The following DUSP16 variants were observed in gnomAD, a reference collection of about 807,000 sequenced individuals.
The protein encoded by DUSP16 is dual specificity phosphatase 16, also known as dual specificity protein phosphatase 16.
A neutral mutation model predicts 58.3 loss-of-function variants in DUSP16; 21 were observed. The ratio of observed to expected loss-of-function variants is 0.36; its 90% CI spans 0.26 to 0.52. The LOEUF is 0.52. DUSP16 is among the 20% of genes least tolerant of loss of function. The probability of loss-of-function intolerance (pLI) is 0.94; values close to 1 mark genes in which losing one functional copy is unlikely to be tolerated. For synonymous variants in DUSP16, 320 were observed against 323.8 expected (o/e 0.99, Z 0.12); for missense variants, 726 against 819.0 (o/e 0.89, Z 1.39).
intron 1 of DUSP16, among the ~76,000 whole-genome samples, chr12:12,551,584 T>TA (rs1944728059): frequency 6.6e-6 from 1 of 152,118 alleles, no homozygotes; most frequent in Admixed American, 6.5e-5. Context: ...TCCCAATTCT[T>TA]AAAGATTTTT....
At chr12:12,541,915 T>C (rs1341800395) in intron 1 of DUSP16, among the ~76,000 whole-genome samples, 1 of 148,216 alleles carries the variant, frequency 6.7e-6, no homozygotes, top group East Asian at 2.1e-4. Flanking sequence ...AATCAACTGA[T>C]GAATAGATAA....
chr12:12,520,955 G>A lies in DUSP16; in HGVS notation c.144C>T (p.Ile48=). The A allele has an allele frequency of 1.2e-6, 2 of 1,614,182 alleles. No individual in the cohort carries two copies. Among genetic ancestry groups the A allele is most frequent in the South Asian group, 1.1e-5 (1 of 91,084 alleles). The change falls in exon 2 of 7, where the codon ATC becomes ATT. Residue 48 remains isoleucine (I), a synonymous_variant. Coordinates refer to ENST00000298573, the MANE Select transcript of DUSP16 (RefSeq NM_030640.3). ...TTCGCTTCATAAGCTTGGAGCAGTT[G>A]ATATTAATGGCTTCCAAAATGTGGG... ...NTSHILEAIN[I]NCSKLMKRRL...
chr12:12,527,874 A>C (rs1944327905), intron 1 of DUSP16, among the ~76,000 whole-genome samples: 1 of 152,204 alleles, frequency 6.6e-6, no homozygotes, highest in South Asian at 2.1e-4. Flanking sequence ...CCCTCCAATC[A>C]GAGGTTCAGG....
chr12:12,480,716 A>AT (rs1273724611), intron 5 of DUSP16, among the ~76,000 whole-genome samples: 18 of 152,154 alleles, frequency 1.2e-4, no homozygotes, highest in African/African-American at 4.1e-4. Flanking sequence ...ATATAATTAC[A>AT]TTTTTTAAAA....
At chr12:12,507,051 GA>G (rs1018003879) in intron 3 of DUSP16, among the ~76,000 whole-genome samples, 9 of 152,096 alleles carry the variant, frequency 5.9e-5, no homozygotes, top group African/African-American at 1.4e-4. Context: ...TTTTGGGGGG[GA>G]AAAATCTGCC....
intron 1 of DUSP16, among the ~76,000 whole-genome samples, chr12:12,543,237 T>G (rs1425107616): frequency 6.6e-6 from 1 of 152,344 alleles, no homozygotes; most frequent in South Asian, 2.1e-4. Context: ...TCAGGTTTAC[T>G]GGGGTTGACA....
intron 1 of DUSP16, among the ~76,000 whole-genome samples, chr12:12,547,625 A>G (rs1225919668): frequency 6.6e-6 from 1 of 151,212 alleles, no homozygotes; most frequent in Non-Finnish European, 1.5e-5. Context: ...TATCCACCAT[A>G]GGACTTGTGT....
At chr12:12,503,208 G>A (rs983136574) in intron 3 of DUSP16, among the ~76,000 whole-genome samples, 4 of 149,454 alleles carry the variant, frequency 2.7e-5, no homozygotes, top group African/African-American at 4.9e-5. Flanking sequence ...CACTCAGGAG[G>A]TATCACTGGT....
intron 1 of DUSP16, among the ~76,000 whole-genome samples, chr12:12,549,116 C>G (rs138500342): frequency 1.3e-5 from 2 of 152,204 alleles, no homozygotes; most frequent in East Asian, 3.9e-4. Flanking sequence ...CTGCCCAAAA[C>G]CCAAAACCTA....
chr12:12,530,213 G>A (rs2136240709), intron 1 of DUSP16, among the ~76,000 whole-genome samples: 1 of 152,188 alleles, frequency 6.6e-6, no homozygotes, highest in East Asian at 1.9e-4. Flanking sequence ...ACTACCAGGA[G>A]TGGGATACTA....
At position 12,548,393 on chromosome 12, in the gene DUSP16, T is replaced by C. The variant is rs550232652; in HGVS notation, c.-366+13724A>G. On this transcript the variant is annotated intron_variant, in intron 1 of 6. Coordinates refer to ENST00000298573, the MANE Select transcript of DUSP16 (RefSeq NM_030640.3). ...GCTCATGCCTGTAATCCCAGCACTTTGGGAGGCCGAGGCAGGCGGCCTGAG... is the reference window on the plus strand; with the variant it reads ...GCTCATGCCTGTAATCCCAGCACTTCGGGAGGCCGAGGCAGGCGGCCTGAG... Among the ~76,000 whole-genome samples the C allele has an allele frequency of 3.9e-5, 6 of 152,098 alleles. No individual in the cohort carries two copies. In the South Asian group the frequency reaches 1.0e-3, roughly 26 times the overall value.
chr12:12,561,836 C>A (rs562144812), intron 1 of DUSP16, among the ~76,000 whole-genome samples: 1 of 151,262 alleles, frequency 6.6e-6, no homozygotes, highest in Non-Finnish European at 1.5e-5. Context: ...TGCGACCCCG[C>A]GCCCGGCCGC....
chr12:12,479,278 G>GA (rs35668961), intron 6 of DUSP16, among the ~76,000 whole-genome samples: 54,908 of 149,988 alleles, frequency 0.37, 10,291 homozygotes, highest in East Asian at 0.52. Flanking sequence ...AAGGAACAAG[G>GA]AAAAAAAAAA....
chr12:12,541,992 A>G (rs1260503550), intron 1 of DUSP16, among the ~76,000 whole-genome samples: 1 of 152,250 alleles, frequency 6.6e-6, no homozygotes, highest in Non-Finnish European at 1.5e-5. Context: ...TACTGATACC[A>G]GCTACAATAT....
chr12:12,484,951 G>T (rs971362257), intron 5 of DUSP16, among the ~76,000 whole-genome samples: 1 of 150,996 alleles, frequency 6.6e-6, no homozygotes, highest in South Asian at 2.1e-4. Flanking sequence ...ATGATTTGCT[G>T]AATGTTTTTT....
intron 3 of DUSP16, among the ~76,000 whole-genome samples, chr12:12,509,330 A>G (rs1298567068): frequency 1.3e-5 from 2 of 152,056 alleles, no homozygotes; most frequent in Non-Finnish European, 2.9e-5. Context: ...GGCAAGCACA[A>G]GTTACACCTC....
chr12:12,526,062 G>A (rs1437474108), intron 1 of DUSP16, among the ~76,000 whole-genome samples: 1 of 152,136 alleles, frequency 6.6e-6, no homozygotes, highest in African/African-American at 2.4e-5. Context: ...ACAAAAAACT[G>A]CAAAGTATCC....
chr12:12,552,148 C>T (rs28849370), intron 1 of DUSP16, among the ~76,000 whole-genome samples: 2 of 151,998 alleles, frequency 1.3e-5, no homozygotes, highest in Non-Finnish European at 2.9e-5. Context: ...AGCAGTGCAA[C>T]TAATATTTAA....
intron 1 of DUSP16, among the ~76,000 whole-genome samples, chr12:12,537,657 C>G (rs1944487795): frequency 1.3e-5 from 2 of 152,204 alleles, no homozygotes; most frequent in Admixed American, 6.5e-5. Flanking sequence ...AAAATATGCT[C>G]ACAAAGCTCC....
Sources: gnomAD v4.1 joint callset for allele counts (sites outside exome capture counted in the v4.1 genomes callset) on GRCh38, gnomAD v4.1.1 for gene constraint, MANE v1.5 for transcripts, NCBI Gene and HGNC (gene_info 2026-07-23, HGNC 2026-07-21) for gene names.